The following ULK2 variants were observed in gnomAD, a reference collection of about 807,000 sequenced individuals.
ULK2 encodes serine/threonine-protein kinase ULK2.
In ULK2, 76 loss-of-function variants were observed where a neutral mutation model predicts 127.5. The ratio of observed to expected loss-of-function variants is 0.60; its 90% CI spans 0.50 to 0.72. The LOEUF is 0.72. Among genes scored for constraint, ULK2 ranks in the 30% least tolerant of loss-of-function variants. The pLI is 0.00. For missense variants in ULK2, 1,144 were observed against 1,295.9 expected (o/e 0.88, Z 1.80); for synonymous variants, 452 against 461.9 (o/e 0.98, Z 0.28).
Position 19,786,034 on chromosome 17 carries a change from T to G in ULK2, c.2154A>C (p.Ala718=). Reference sequence around the variant, plus strand: ...CAGTGAAGAGGACAGCCTTGGAACTTGCTGCTGTACCTGCAGGAGGTGCCA... The same window carrying G: ...CAGTGAAGAGGACAGCCTTGGAACTGGCTGCTGTACCTGCAGGAGGTGCCA... ...GVLAPPAGTA[A]SSKAVLFTVG... The change falls in exon 21 of 27, where the codon GCA becomes GCC. Residue 718 remains alanine (A), a synonymous_variant. Coordinates refer to ENST00000395544, the MANE Select transcript of ULK2 (RefSeq NM_014683.4). 1 of 1,574,554 alleles carries G rather than the reference T, an allele frequency of 6.4e-7. No individual in the cohort carries two copies. Among genetic ancestry groups the G allele is most frequent in the Non-Finnish European group, 8.6e-7 (1 of 1,166,834 alleles).
At chr17:19,802,849 A>AT (rs34357582) in intron 15 of ULK2, among the ~76,000 whole-genome samples, 22 of 152,224 alleles carry the variant, frequency 1.4e-4, no homozygotes, top group South Asian at 1.2e-3. Context: ...CCTGTGCATG[A>AT]TTTTTTTTAA....
chr17:19,790,724 G>A (rs2087134019), intron 20 of ULK2, among the ~76,000 whole-genome samples: 1 of 152,084 alleles, frequency 6.6e-6, no homozygotes, highest in Non-Finnish European at 1.5e-5. Context: ...TGGCTGAATG[G>A]ATTAAAAAAA....
intron 14 of ULK2, 32 bp downstream of exon 14, chr17:19,810,346 A>G: frequency 6.9e-7 from 1 of 1,453,944 alleles, no homozygotes; most frequent in Non-Finnish European, 9.5e-7. Context: ...AATATAAAAC[A>G]AATTTTAATA....
At chr17:19,864,898 T>A in intron 2 of ULK2, 54 bp from the exon 3 acceptor site, 1 of 818,376 alleles carries the variant, frequency 1.2e-6, no homozygotes, top group Non-Finnish European at 1.7e-6. Context: ...GACTTTACTA[T>A]ATTTTAATAT....
chr17:19,817,317 A>G (rs1437203898), intron 12 of ULK2, among the ~76,000 whole-genome samples: 1 of 152,222 alleles, frequency 6.6e-6, no homozygotes, highest in East Asian at 1.9e-4. Flanking sequence ...GAGACTTTAA[A>G]TTAACGACAT....
intron 3 of ULK2, among the ~76,000 whole-genome samples, chr17:19,862,587 T>C (rs1046428708): frequency 6.6e-6 from 1 of 151,954 alleles, no homozygotes; most frequent in Non-Finnish European, 1.5e-5. Context: ...TGCCTCAGGC[T>C]CCTGAGTAGC....
At chr17:19,807,976 G>T (rs1216427534) in intron 14 of ULK2, among the ~76,000 whole-genome samples, 1 of 152,056 alleles carries the variant, frequency 6.6e-6, no homozygotes, top group African/African-American at 2.4e-5. Flanking sequence ...CGTGGTGGCG[G>T]GTACCTGTAA....
chr17:19,810,663 G>A (rs1300916410), intron 13 of ULK2, among the ~76,000 whole-genome samples: 1 of 152,144 alleles, frequency 6.6e-6, no homozygotes, highest in African/African-American at 2.4e-5. Context: ...CAAATTTGAG[G>A]TCTTCTTCAA....
At chr17:19,796,717 G>C (rs542331794) in intron 18 of ULK2, among the ~76,000 whole-genome samples, 1 of 152,060 alleles carries the variant, frequency 6.6e-6, no homozygotes, top group Non-Finnish European at 1.5e-5. Flanking sequence ...TGAACGGCCC[G>C]GTCCCCTAGC....
At chr17:19,857,450 GTTTAC>G (rs935565598) in intron 3 of ULK2, among the ~76,000 whole-genome samples, 29 of 151,900 alleles carry the variant, frequency 1.9e-4, no homozygotes, top group African/African-American at 7.0e-4. Context: ...GACTGTTATT[GTTTAC>G]TTTATATATT....
intron 10 of ULK2, among the ~76,000 whole-genome samples, chr17:19,832,151 T>A: frequency 6.7e-6 from 1 of 149,888 alleles, no homozygotes; most frequent in African/African-American, 2.5e-5. Context: ...AAAAGAAACA[T>A]CTAATCAATA....
At position 19,854,936 on chromosome 17, in the gene ULK2, T is replaced by A. The variant is rs1037961470; in HGVS notation, c.226-5162A>T. ...CAAGATGGTGAAACCCCTTCTCTACTAAAAATACAAAAAATTAGCTGGGCT... is the reference window on the plus strand; with the variant it reads ...CAAGATGGTGAAACCCCTTCTCTACAAAAAATACAAAAAATTAGCTGGGCT... On this transcript the variant is annotated intron_variant, in intron 3 of 26. Coordinates refer to ENST00000395544, the MANE Select transcript of ULK2 (RefSeq NM_014683.4). 2.0e-5 allele frequency among the ~76,000 whole-genome samples: 3 copies of A among 150,572 alleles called. No individual in the cohort carries two copies. In the Admixed American group the frequency reaches 2.0e-4, roughly 10 times the overall value.
intron 13 of ULK2, among the ~76,000 whole-genome samples, chr17:19,815,683 G>T (rs1010369875): frequency 8.5e-5 from 13 of 152,218 alleles, no homozygotes; most frequent in African/African-American, 2.9e-4. Flanking sequence ...TTGAGTATCT[G>T]CTCTACTATT....
At chr17:19,801,723 GATTT>G (rs2087403117) in intron 16 of ULK2, 50 bp downstream of exon 16, 7 of 1,604,494 alleles carry the variant, frequency 4.4e-6, no homozygotes, top group Non-Finnish European at 1.7e-6. Flanking sequence ...TGTCATGTCA[GATTT>G]ATTACAGTGA....
At chr17:19,861,927 T>A (rs1250488431) in intron 3 of ULK2, among the ~76,000 whole-genome samples, 3 of 152,216 alleles carry the variant, frequency 2.0e-5, no homozygotes, top group Non-Finnish European at 4.4e-5. Flanking sequence ...AATTGTAAAT[T>A]TTTTGGAAAG....
chr17:19,858,311 G>A (rs2042174179), intron 3 of ULK2, among the ~76,000 whole-genome samples: 1 of 151,986 alleles, frequency 6.6e-6, no homozygotes, highest in South Asian at 2.1e-4. Context: ...GAGGTGGGAG[G>A]ATGGCTTAAG....
At chr17:19,785,531 TA>T (rs1045374639) in intron 21 of ULK2, among the ~76,000 whole-genome samples, 16 of 142,746 alleles carry the variant, frequency 1.1e-4, no homozygotes, top group East Asian at 2.0e-4. Flanking sequence ...CAAGTTTCTT[TA>T]AAAAAAAAAA....
At chr17:19,834,172 G>C (rs150948849) in intron 10 of ULK2, among the ~76,000 whole-genome samples, 103 of 151,846 alleles carry the variant, frequency 6.8e-4, no homozygotes, top group African/African-American at 2.4e-3. Flanking sequence ...CATAGTCAAA[G>C]TACTGGCTGG....
chr17:19,859,854 T>G (rs920063231), intron 3 of ULK2, among the ~76,000 whole-genome samples: 1 of 152,142 alleles, frequency 6.6e-6, no homozygotes, highest in African/African-American at 2.4e-5. Flanking sequence ...TAACTTTATT[T>G]TTTGTAGAAA....
Sources: allele counts gnomAD v4.1 joint callset (sites outside exome capture counted in the v4.1 genomes callset), GRCh38; gene constraint gnomAD v4.1.1; transcripts MANE v1.5; gene names NCBI Gene and HGNC (gene_info 2026-07-23, HGNC 2026-07-21).